HHAT: variants seen among roughly 807,000 people sequenced by gnomAD.
HHAT encodes the protein protein-cysteine N-palmitoyltransferase HHAT.
HHAT carries 47 observed loss-of-function variants against 70.8 expected under a neutral mutation model. That is an observed-to-expected ratio of 0.66 (90% CI 0.53 to 0.85). The LOEUF is 0.85. HHAT is among the 40% of genes least tolerant of loss of function. The pLI is 0.00. For synonymous variants in HHAT, 228 were observed against 247.6 expected (o/e 0.92, Z 0.74); for missense variants, 609 against 604.8 (o/e 1.01, Z -0.07).
chr1:210,416,299 C>T (rs1425421559), intron 6 of HHAT, among the ~76,000 whole-genome samples: 1 of 152,132 alleles, frequency 6.6e-6, no homozygotes, highest in Non-Finnish European at 1.5e-5. Flanking sequence ...ATGTCATGAG[C>T]CCTGATAGTC....
chr1:210,343,826 C>T (rs549978861), intron 1 of HHAT, among the ~76,000 whole-genome samples: 6 of 152,282 alleles, frequency 3.9e-5, no homozygotes, highest in African/African-American at 9.6e-5. Flanking sequence ...GAAGTTCAGC[C>T]AGATTTCTTT....
chr1:210,665,193 G>A (rs1395506601), intron 11 of HHAT, among the ~76,000 whole-genome samples: 1 of 152,196 alleles, frequency 6.6e-6, no homozygotes, highest in Non-Finnish European at 1.5e-5. Context: ...TATTAGGTTG[G>A]TGCAAAAGTA....
intron 9 of HHAT, among the ~76,000 whole-genome samples, chr1:210,519,527 C>CTTTTT (rs35244381): frequency 3.1e-5 from 4 of 127,474 alleles, no homozygotes; most frequent in Non-Finnish European, 4.9e-5. Context: ...ATTTTCTTTG[C>CTTTTT]TTTTTTTTTT....
At chr1:210,513,276 A>G (rs2148584270) in intron 9 of HHAT, 88 bp downstream of exon 9, 1 of 713,728 alleles carries the variant, frequency 1.4e-6, no homozygotes, top group East Asian at 2.6e-5. Flanking sequence ...AAGTATCTTG[A>G]TAAATAATGG....
chr1:210,374,138 T>C (rs1239056103), intron 3 of HHAT: 3 of 152,256 alleles, frequency 2.0e-5, no homozygotes, highest in Non-Finnish European at 2.9e-5. Context: ...TTAAGTCTTT[T>C]TTTATAAAAC....
intron 1 of HHAT, 136 bp downstream of exon 1, chr1:210,329,240 C>A: frequency 8.3e-7 from 1 of 1,199,534 alleles, no homozygotes; most frequent in East Asian, 3.5e-5. Flanking sequence ...CGCCCGAGGG[C>A]GGGACAGAGG....
intron 10 of HHAT, among the ~76,000 whole-genome samples, chr1:210,591,626 G>C (rs886295395): frequency 6.6e-6 from 1 of 152,102 alleles, no homozygotes; most frequent in African/African-American, 2.4e-5. Context: ...CCTGTGAACT[G>C]TTTTCCATAC....
In HHAT at chr1:210,403,222, C is replaced by T. The variant is rs74156152; in HGVS notation, c.469-1242C>T. ...ATGAGAGTATATCAGATAATCACTCCGTTTTAATGAAGATACTTCCCAGAA... is the reference window on the plus strand; with the variant it reads ...ATGAGAGTATATCAGATAATCACTCTGTTTTAATGAAGATACTTCCCAGAA... On this transcript the variant is annotated intron_variant, in intron 5 of 11. Transcript: ENST00000261458. Among the ~76,000 whole-genome samples the T allele has an allele frequency of 1.9e-3, 294 of 152,216 alleles. 1 individual carries two copies. Among genetic ancestry groups the T allele is most frequent in the African/African-American group, 6.7e-3 (279 of 41,528 alleles).
chr1:210,637,483 A>G (rs1672093613), intron 11 of HHAT, among the ~76,000 whole-genome samples: 1 of 152,330 alleles, frequency 6.6e-6, no homozygotes, highest in South Asian at 2.1e-4. Flanking sequence ...CATCCAGAAT[A>G]TGAGAAATTT....
Position 210,474,843 on chromosome 1 carries a change from T to TTTTGTTTG in HHAT, c.1007+10204_1007+10211dup, listed in dbSNP as rs563684265. 2.0e-5 allele frequency among the ~76,000 whole-genome samples: 3 copies of TTTTGTTTG among 151,374 alleles called. 1 individual carries two copies. The highest frequency in any genetic ancestry group is 4.4e-5 in the Non-Finnish European group (3 of 67,918). On this transcript the variant is annotated intron_variant, in intron 8 of 11. Transcript: ENST00000261458. ...AGGTGTTTTTTTTTTTTTCCGTTTTTTTTGTTTGTTTGTTTGTTTGTTTTT... is the reference window on the plus strand; with the variant it reads ...AGGTGTTTTTTTTTTTTTCCGTTTTTTTTGTTTGTTTGTTTGTTTGTTTGTTTGTTTTT...
At position 210,341,743 on chromosome 1, in the gene HHAT, C is replaced by A. The variant is rs573630311; in HGVS notation, c.-43-7190C>A. Among the ~76,000 whole-genome samples the A allele has an allele frequency of 2.6e-5, 4 of 152,254 alleles. No homozygotes were observed. The South Asian group carries it at 8.3e-4, about 32-fold the overall frequency. ...AGTTCTGTGAGCTGAGAGATTCTTG[C>A]CATTTTACAGCTAAGATTTTATTCT... On this transcript the variant is annotated intron_variant, in intron 1 of 11. Coordinates refer to ENST00000261458, the MANE Select transcript of HHAT (RefSeq NM_018194.6).
chr1:210,337,357 G>A (rs2085595029), intron 1 of HHAT, among the ~76,000 whole-genome samples: 1 of 152,134 alleles, frequency 6.6e-6, no homozygotes, highest in South Asian at 2.1e-4. Context: ...CTAACTGAGG[G>A]CAGGGATGGC....
intron 1 of HHAT, among the ~76,000 whole-genome samples, chr1:210,333,103 A>G (rs1309052710): frequency 1.3e-5 from 2 of 152,352 alleles, no homozygotes; most frequent in East Asian, 3.9e-4. Context: ...ATGCAGCTGT[A>G]CGATGGAAGT....
chr1:210,503,958 TAAGCA>T (rs1276365678), intron 8 of HHAT, among the ~76,000 whole-genome samples: 1 of 152,230 alleles, frequency 6.6e-6, no homozygotes, highest in Non-Finnish European at 1.5e-5. Flanking sequence ...GATCTTGGGT[TAAGCA>T]AAGATGTCTT....
chr1:210,508,570 T>C (rs2148569357), intron 8 of HHAT, among the ~76,000 whole-genome samples: 1 of 152,330 alleles, frequency 6.6e-6, no homozygotes, highest in African/African-American at 2.4e-5. Flanking sequence ...TTTAGCGTCG[T>C]ATCAAATATG....
intron 10 of HHAT, among the ~76,000 whole-genome samples, chr1:210,591,481 T>C (rs769725173): frequency 6.6e-6 from 1 of 152,208 alleles, no homozygotes; most frequent in Non-Finnish European, 1.5e-5. Flanking sequence ...AAATCTTGGC[T>C]ATTGTGAATA....
intron 9 of HHAT, among the ~76,000 whole-genome samples, chr1:210,550,006 C>T (rs116823568): frequency 0.015 from 2,261 of 149,260 alleles, 130 homozygotes; most frequent in Non-Finnish European, 0.017. Flanking sequence ...TCTCTACTCA[C>T]CCCCTTATCC....
At chr1:210,572,747 T>C (rs1285007338) in intron 9 of HHAT, among the ~76,000 whole-genome samples, 2 of 151,750 alleles carry the variant, frequency 1.3e-5, no homozygotes, top group African/African-American at 4.8e-5. Context: ...TAAAAAAAAA[T>C]GTAGCTGGGC....
chr1:210,404,392 A>G, intron 5 of HHAT, 72 bp from the exon 6 acceptor site: 5 of 1,212,604 alleles, frequency 4.1e-6, no homozygotes, highest in Non-Finnish European at 6.0e-6. Context: ...CCTGCTGGCC[A>G]GCACCTGCAG....
Sources: gnomAD v4.1 joint callset for allele counts (sites outside exome capture counted in the v4.1 genomes callset) on GRCh38, gnomAD v4.1.1 for gene constraint, MANE v1.5 for transcripts, NCBI Gene and HGNC (gene_info 2026-07-23, HGNC 2026-07-21) for gene names.